Variants in GNA14 observed in about 807,000 individuals in gnomAD.
GNA14 encodes the protein G protein subunit alpha 14, also known as guanine nucleotide-binding protein subunit alpha-14.
GNA14 carries 50 observed loss-of-function variants against 42.0 expected under a neutral mutation model. That is an observed-to-expected ratio of 1.19 (90% CI 0.95 to 1.51). GNA14 has a LOEUF of 1.51. GNA14 is among the 40% of genes most tolerant of loss of function. The probability of loss-of-function intolerance (pLI) is 0.00; values close to 1 mark genes in which losing one functional copy is unlikely to be tolerated. For synonymous variants in GNA14, 173 were observed against 163.1 expected (o/e 1.06, Z -0.46); for missense variants, 473 against 446.2 (o/e 1.06, Z -0.54).
In GNA14 at chr9:77,565,462, T is replaced by C. The variant is rs138771183; in HGVS notation, c.125-36209A>G. ...TCACCTGTTTCTTTTTACCTTTTTT[T>C]AAACTTTATTTTTGAGACAGAGTCT... On this transcript the variant is annotated intron_variant, in intron 1 of 6. Coordinates refer to ENST00000341700, the MANE Select transcript of GNA14 (RefSeq NM_004297.4). 4.8e-3 allele frequency among the ~76,000 whole-genome samples: 735 copies of C among 152,360 alleles called. 3 individuals carry two copies. Among genetic ancestry groups the C allele is most frequent in the African/African-American group, 0.017 (697 of 41,584 alleles).
chr9:77,562,393 A>C lies in GNA14; in HGVS notation c.125-33140T>G, dbSNP rs138610257. The stretch of plus-strand genomic sequence containing the variant: ...GAGAACACTTACAGGGACAGAACCC[A>C]AAAAAATGATCATGTATGGGGCAGG... On this transcript the variant is annotated intron_variant, in intron 1 of 6. Transcript: ENST00000341700. Among the ~76,000 whole-genome samples, 154 of 152,248 alleles carry C rather than the reference A, an allele frequency of 1.0e-3. 4 individuals are homozygous for C. The East Asian group carries it at 0.023, about 22-fold the overall frequency.
intron 2 of GNA14, among the ~76,000 whole-genome samples, chr9:77,472,788 A>ATCTCTCTCTCTCTCTC (rs34429720): frequency 3.9e-3 from 561 of 142,030 alleles, no homozygotes; most frequent in Non-Finnish European, 4.6e-3. Context: ...ACATGACATG[A>ATCTCTCTCTCTCTCTC]TCTCTCTCTC....
At chr9:77,569,385 T>C (rs1443834357) in intron 1 of GNA14, among the ~76,000 whole-genome samples, 2 of 152,174 alleles carry the variant, frequency 1.3e-5, no homozygotes, top group East Asian at 3.9e-4. Context: ...AAAATACTGC[T>C]GGATGTGCTG....
At chr9:77,431,079 A>G (rs969999575) in intron 4 of GNA14, among the ~76,000 whole-genome samples, 1 of 147,372 alleles carries the variant, frequency 6.8e-6, no homozygotes, top group African/African-American at 2.5e-5. Flanking sequence ...TGTGTGTTAC[A>G]CATAAGAATC....
chr9:77,437,543 A>G (rs1835658107), intron 2 of GNA14, among the ~76,000 whole-genome samples: 1 of 151,170 alleles, frequency 6.6e-6, no homozygotes, highest in South Asian at 2.1e-4. Context: ...CCTGTATAAG[A>G]AAGAGAAAGA....
At chr9:77,594,528 T>C (rs886941177) in intron 1 of GNA14, among the ~76,000 whole-genome samples, 1 of 152,244 alleles carries the variant, frequency 6.6e-6, no homozygotes, top group Non-Finnish European at 1.5e-5. Flanking sequence ...TGCTGAGTTC[T>C]GAAGAACTTG....
intron 1 of GNA14, among the ~76,000 whole-genome samples, chr9:77,577,276 C>T (rs750510273): frequency 2.0e-5 from 3 of 152,162 alleles, no homozygotes; most frequent in Non-Finnish European, 4.4e-5. Context: ...TAAGTTACTG[C>T]CCTGTATTTT....
chr9:77,448,159 C>T (rs1021534193), intron 2 of GNA14, among the ~76,000 whole-genome samples: 1 of 152,208 alleles, frequency 6.6e-6, no homozygotes, highest in African/African-American at 2.4e-5. Flanking sequence ...GCAACAGCAG[C>T]ATCAAGCTGT....
intron 2 of GNA14, among the ~76,000 whole-genome samples, chr9:77,483,053 C>T (rs12348848): frequency 0.013 from 1,954 of 152,312 alleles, 46 homozygotes; most frequent in African/African-American, 0.044. Context: ...CTTCTCTCAA[C>T]TCATCAAAGT....
At chr9:77,574,859 T>C (rs957988907) in intron 1 of GNA14, among the ~76,000 whole-genome samples, 1 of 152,216 alleles carries the variant, frequency 6.6e-6, no homozygotes, top group African/African-American at 2.4e-5. Flanking sequence ...TTGTCCCAGA[T>C]GACACTCTCT....
intron 1 of GNA14, among the ~76,000 whole-genome samples, chr9:77,561,601 C>T (rs1388734090): frequency 6.6e-6 from 1 of 152,034 alleles, no homozygotes; most frequent in African/African-American, 2.4e-5. Context: ...ATAAGCCAGA[C>T]ACAAAAGGGC....
chr9:77,425,650 C>T lies in GNA14; in HGVS notation c.789G>A (p.Ser263=), dbSNP rs1801259. Residue 263 remains serine (S), a synonymous_variant, in exon 6 of 7, where the codon TCG becomes TCA. Coordinates refer to ENST00000341700, the MANE Select transcript of GNA14 (RefSeq NM_004297.4). ...TIITYPWFLN[S]SVILFLNKKD... ...TCTTGTTCAAGAATAAAATCACAGA[C>T]GAATTCAGAAACCAGGGGTAGGTGA... The T allele has an allele frequency of 0.1, 161,445 of 1,605,894 alleles. 8,723 individuals carry two copies. The highest frequency in any genetic ancestry group is 0.11 in the African/African-American group (8,311 of 74,758).
intron 2 of GNA14, among the ~76,000 whole-genome samples, chr9:77,473,447 C>A (rs532959106): frequency 6.6e-6 from 1 of 152,116 alleles, no homozygotes; most frequent in East Asian, 1.9e-4. Flanking sequence ...CAGAGCCTGA[C>A]CCTGTCTCAA....
At chr9:77,602,265 T>A (rs1381889507) in intron 1 of GNA14, among the ~76,000 whole-genome samples, 1 of 152,178 alleles carries the variant, frequency 6.6e-6, no homozygotes, top group African/African-American at 2.4e-5. Context: ...GACATTGGAA[T>A]CACTATCCAT....
chr9:77,463,420 T>C (rs964739524), intron 2 of GNA14, among the ~76,000 whole-genome samples: 1 of 152,218 alleles, frequency 6.6e-6, no homozygotes, highest in Non-Finnish European at 1.5e-5. Flanking sequence ...TGTTGTATTA[T>C]ATGTGGACCA....
chr9:77,598,014 G>A (rs942722146), intron 1 of GNA14, among the ~76,000 whole-genome samples: 3 of 152,120 alleles, frequency 2.0e-5, no homozygotes, highest in African/African-American at 7.2e-5. Flanking sequence ...ATTCCAGCCT[G>A]GGCAACAGAG....
chr9:77,466,197 A>G (rs1232271663), intron 2 of GNA14, among the ~76,000 whole-genome samples: 1 of 152,104 alleles, frequency 6.6e-6, no homozygotes, highest in African/African-American at 2.4e-5. Context: ...ATGACAGAAT[A>G]TTTTTTTCTA....
intron 1 of GNA14, among the ~76,000 whole-genome samples, chr9:77,588,433 A>T (rs1823339242): frequency 6.6e-6 from 1 of 152,178 alleles, no homozygotes; most frequent in South Asian, 2.1e-4. Context: ...CCTGATGGAG[A>T]ATGACTAAGG....
intron 1 of GNA14, among the ~76,000 whole-genome samples, chr9:77,590,818 T>C (rs552700375): frequency 6.6e-6 from 1 of 152,240 alleles, no homozygotes; most frequent in African/African-American, 2.4e-5. Flanking sequence ...AATTCTAGAA[T>C]TGAAGTGGCT....
Sources: gnomAD v4.1 joint callset for allele counts (sites outside exome capture counted in the v4.1 genomes callset) on GRCh38, gnomAD v4.1.1 for gene constraint, MANE v1.5 for transcripts, NCBI Gene and HGNC (gene_info 2026-07-23, HGNC 2026-07-21) for gene names.